Variants in USP47 observed in about 807,000 individuals in gnomAD.
USP47 encodes ubiquitin specific peptidase 47.
In USP47, 35 loss-of-function variants were observed where a neutral mutation model predicts 165.1. The ratio of observed to expected loss-of-function variants is 0.21; its 90% CI spans 0.16 to 0.28. The LOEUF (loss-of-function observed/expected upper bound fraction) is 0.28. Ranked by LOEUF, USP47 falls within the 10% of genes least tolerant of loss-of-function variation. USP47 has a pLI of 1.00. For missense variants in USP47, 1,277 were observed against 1,607.4 expected, an observed-to-expected ratio of 0.79 and a Z score of 3.52; for synonymous variants, 531 against 544.5, an observed-to-expected ratio of 0.98 and a Z score of 0.35.
At chr11:11,937,920 A>G (rs1855191578) in intron 17 of USP47, among the ~76,000 whole-genome samples, 1 of 151,992 alleles carries the variant, frequency 6.6e-6, no homozygotes, top group South Asian at 2.1e-4. Flanking sequence ...TTAAATTTCA[A>G]TATAAAAGAT....
chr11:11,882,369 C>T (rs1338734381), intron 2 of USP47, among the ~76,000 whole-genome samples: 22 of 152,094 alleles, frequency 1.4e-4, no homozygotes, highest in Non-Finnish European at 5.9e-5. Flanking sequence ...ACAGGAGAAT[C>T]AAAGATGTTT....
rs146673438 is a variant in USP47, at chr11:11,905,678, A to G, written c.969+130A>G. The G allele has an allele frequency of 3.4e-4, 307 of 900,738 alleles. 1 individual carries two copies. Among genetic ancestry groups the G allele is most frequent in the Non-Finnish European group, 4.3e-4 (281 of 659,452 alleles). 55.8% of individuals were successfully genotyped at this position (900,738 alleles called of 1,614,324 possible). On this transcript the variant is annotated intron_variant, in intron 8 of 27. Transcript: ENST00000527733. The stretch of plus-strand genomic sequence containing the variant: ...TGGGTTGTTAGTCATTCCTGCATTT[A>G]AATTAGCAAGATCTAGAAGATTTTT...
chr11:11,845,272 T>C (rs1467429558), intron 1 of USP47, among the ~76,000 whole-genome samples: 1 of 152,206 alleles, frequency 6.6e-6, no homozygotes, highest in East Asian at 1.9e-4. Flanking sequence ...AACAGGTTTT[T>C]AATGTAGTCA....
In USP47 at chr11:11,957,700, AC is replaced by A. The variant is rs1847268534; in HGVS notation, c.*1528del. 2.0e-5 allele frequency: 3 copies of A among 152,408 alleles called. No individual in the cohort carries two copies. Among genetic ancestry groups the A allele is most frequent in the South Asian group, 2.1e-4 (1 of 4,804 alleles). 9.4% of individuals were successfully genotyped at this position (152,408 alleles called of 1,614,324 possible). A position where few individuals can be genotyped will look rare whatever the true frequency, so the allele number is the denominator to read the frequency against. ...CTGTGTTAATATCTAACTTTGGGGAACCCTGTCAGTATTTCAGATCCGATTT... is the reference window on the plus strand; with the variant it reads ...CTGTGTTAATATCTAACTTTGGGGAACCTGTCAGTATTTCAGATCCGATTT... On this transcript the variant is annotated 3_prime_UTR_variant, in exon 28 of 28. Transcript: ENST00000527733.
intron 11 of USP47, among the ~76,000 whole-genome samples, chr11:11,929,093 G>C (rs550755053): frequency 6.6e-6 from 1 of 151,946 alleles, no homozygotes; most frequent in African/African-American, 2.4e-5. Flanking sequence ...TTTATCGACT[G>C]TGTATTTTAG....
intron 20 of USP47, among the ~76,000 whole-genome samples, chr11:11,944,710 A>G (rs1021144339): frequency 7.2e-5 from 11 of 152,186 alleles, no homozygotes; most frequent in African/African-American, 2.4e-4. Context: ...CATAGCTGCT[A>G]CCACTGTTCT....
chr11:11,938,197 C>G, intron 17 of USP47, 60 bp from the exon 18 acceptor site: 1 of 1,428,776 alleles, frequency 7.0e-7, no homozygotes, highest in Non-Finnish European at 9.8e-7. Context: ...ATGCATTACT[C>G]ATGTGAAATA....
chr11:11,914,369 A>G (rs1321015406), intron 8 of USP47, among the ~76,000 whole-genome samples: 1 of 152,116 alleles, frequency 6.6e-6, no homozygotes, highest in Non-Finnish European at 1.5e-5. Context: ...ATGAACCTTG[A>G]CTTAAATGAC....
intron 20 of USP47, chr11:11,943,612 C>G (rs1334892161): frequency 6.6e-6 from 1 of 152,056 alleles, no homozygotes; most frequent in Non-Finnish European, 1.5e-5. Context: ...TTTGAAGTAA[C>G]TCCAAAGCAA....
chr11:11,930,745 A>T lies in USP47; in HGVS notation c.1645A>T (p.Asn549Tyr). ...CTATAGACTGAAGGATCCAGCCAGA[A>T]ATGCAAGTATGTTTACCTACAGTTA... The part of the protein sequence containing the change: ...LIYRLKDPAR[N>Y]AKFLEVDEYP... Residue 549 changes from asparagine (N) to tyrosine (Y), a missense_variant, in exon 14 of 28, where the codon AAT becomes TAT. Asn to Tyr is a moderately radical substitution (Grantham distance 143). Coordinates refer to ENST00000527733, the MANE Select transcript of USP47 (RefSeq NM_001282659.2). The T allele has an allele frequency of 6.2e-7, 1 of 1,604,414 alleles. No homozygotes were observed. The highest frequency in any genetic ancestry group is 8.5e-7 in the Non-Finnish European group (1 of 1,176,566).
chr11:11,927,811 A>G (rs1186901288), intron 11 of USP47, among the ~76,000 whole-genome samples: 1 of 152,062 alleles, frequency 6.6e-6, no homozygotes, highest in Non-Finnish European at 1.5e-5. Flanking sequence ...ATGTAATTTT[A>G]TTTACAAATT....
chr11:11,914,332 G>A (rs369440047), intron 8 of USP47, among the ~76,000 whole-genome samples: 2 of 152,146 alleles, frequency 1.3e-5, no homozygotes, highest in African/African-American at 4.8e-5. Flanking sequence ...AATGGTGATG[G>A]AACAACTGGA....
At chr11:11,953,765 G>T (rs890591897) in intron 25 of USP47, among the ~76,000 whole-genome samples, 2 of 152,080 alleles carry the variant, frequency 1.3e-5, no homozygotes, top group Non-Finnish European at 2.9e-5. Context: ...AAAGAATAAC[G>T]TTATTTTTCA....
At chr11:11,931,764 T>G (rs1316830568) in intron 14 of USP47, among the ~76,000 whole-genome samples, 1 of 152,202 alleles carries the variant, frequency 6.6e-6, no homozygotes, top group Non-Finnish European at 1.5e-5. Context: ...TTTTTTCCCC[T>G]TTTTAATGCC....
intron 19 of USP47, among the ~76,000 whole-genome samples, chr11:11,940,952 C>A (rs1855426569): frequency 6.6e-6 from 1 of 151,906 alleles, no homozygotes; most frequent in Non-Finnish European, 1.5e-5. Flanking sequence ...TGGTGAGGGT[C>A]AGAGGCATAC....
At chr11:11,865,509 G>A (rs757789374) in intron 1 of USP47, among the ~76,000 whole-genome samples, 3 of 151,432 alleles carry the variant, frequency 2.0e-5, no homozygotes, top group Admixed American at 6.6e-5. Flanking sequence ...TTTTTCAGGC[G>A]TTTAGTAATT....
At chr11:11,914,493 G>A (rs1316170762) in intron 8 of USP47, among the ~76,000 whole-genome samples, 2 of 152,126 alleles carry the variant, frequency 1.3e-5, no homozygotes, top group Non-Finnish European at 2.9e-5. Context: ...TAAGCAAAGA[G>A]TTTTTAGATT....
chr11:11,891,764 G>A (rs754002900), intron 3 of USP47, among the ~76,000 whole-genome samples: 1 of 152,128 alleles, frequency 6.6e-6, no homozygotes, highest in Non-Finnish European at 1.5e-5. Flanking sequence ...GGTACTTTTC[G>A]TTTATTAGTA....
At chr11:11,856,966 T>C (rs936662188) in intron 1 of USP47, 1 of 152,188 alleles carries the variant, frequency 6.6e-6, no homozygotes, top group African/African-American at 2.4e-5. Flanking sequence ...TGACTGTTGG[T>C]GGCAGTCACA....
Sources: gnomAD v4.1 joint callset for allele counts (sites outside exome capture counted in the v4.1 genomes callset) on GRCh38, gnomAD v4.1.1 for gene constraint, MANE v1.5 for transcripts, NCBI Gene and HGNC (gene_info 2026-07-23, HGNC 2026-07-21) for gene names.